The following AGT variants were observed in gnomAD, a reference collection of about 807,000 sequenced individuals.
The protein encoded by AGT is angiotensinogen, also known as alpha-1 antiproteinase, antitrypsin.
AGT carries 26 observed loss-of-function variants against 28.1 expected under a neutral mutation model. The ratio of observed to expected loss-of-function variants is 0.92; its 90% CI spans 0.68 to 1.28. The LOEUF (loss-of-function observed/expected upper bound fraction) is 1.28, where lower values mean the gene tolerates loss of function less well. Among genes scored for constraint, AGT ranks in the 50% most tolerant of loss-of-function variants. The pLI is 0.00. For synonymous variants in AGT, 259 were observed against 259.6 expected (o/e 1.00, Z 0.02); for missense variants, 596 against 592.3 (o/e 1.01, Z -0.06).
Position 230,739,970 on chromosome 1 carries a change from G to A in AGT, c.-31+5545C>T, listed in dbSNP as rs528849029. ...GACGTAAAGAAAGAATGGCCACTCC[G>A]TAGGTAGAGCAGCAGTATGGGCTGC... On this transcript the variant is annotated intron_variant, in intron 1 of 4. Transcript: ENST00000681269. Among the ~76,000 whole-genome samples the A allele has an allele frequency of 1.4e-4, 22 of 152,316 alleles. No individual in the cohort carries two copies. In the East Asian group the frequency reaches 1.7e-3, roughly 12 times the overall value.
intron 1 of AGT, among the ~76,000 whole-genome samples, chr1:230,711,862 T>C (rs1417814851): frequency 4.0e-5 from 6 of 150,724 alleles, no homozygotes; most frequent in South Asian, 4.2e-4. Context: ...GACTCTGATA[T>C]GTAAGCAGGG....
chr1:230,730,258 G>C (rs1156912482), intron 1 of AGT, among the ~76,000 whole-genome samples: 1 of 151,806 alleles, frequency 6.6e-6, no homozygotes, highest in Non-Finnish European at 1.5e-5. Flanking sequence ...ATTTTTAGTA[G>C]AGATGGGTTT....
chr1:230,723,413 AAG>A (rs1327044528), intron 1 of AGT, among the ~76,000 whole-genome samples: 1 of 152,216 alleles, frequency 6.6e-6, no homozygotes, highest in Non-Finnish European at 1.5e-5. Flanking sequence ...AACATTATTC[AAG>A]AATTCAATTC....
intron 1 of AGT, among the ~76,000 whole-genome samples, chr1:230,736,301 A>G (rs1044974198): frequency 1.3e-5 from 2 of 152,094 alleles, no homozygotes; most frequent in African/African-American, 4.8e-5. Flanking sequence ...AGGTGGGCAG[A>G]TCATGAGGTC....
chr1:230,718,246 GTTCT>G (rs1404991997), upstream of AGT, among the ~76,000 whole-genome samples: 2 of 151,978 alleles, frequency 1.3e-5, no homozygotes, highest in African/African-American at 4.8e-5. Flanking sequence ...TTCTCAGCCT[GTTCT>G]TTCTTTTTTA....
intron 1 of AGT, among the ~76,000 whole-genome samples, chr1:230,711,898 G>A (rs900557909): frequency 4.0e-5 from 6 of 151,770 alleles, no homozygotes; most frequent in South Asian, 4.2e-4. Flanking sequence ...CTAGACACGG[G>A]TCCAGCACCA....
chr1:230,730,978 C>G (rs1229312177), intron 1 of AGT, among the ~76,000 whole-genome samples: 1 of 152,184 alleles, frequency 6.6e-6, no homozygotes, highest in African/African-American at 2.4e-5. Flanking sequence ...TAATGCCTCA[C>G]TGGACACTGT....
chr1:230,736,243 G>T (rs936051852), intron 1 of AGT, among the ~76,000 whole-genome samples: 1 of 152,026 alleles, frequency 6.6e-6, no homozygotes, highest in Non-Finnish European at 1.5e-5. Context: ...AATTATTTCA[G>T]CTGGGCGCGG....
At chr1:230,732,244 T>C (rs1186838742) in intron 1 of AGT, among the ~76,000 whole-genome samples, 1 of 152,188 alleles carries the variant, frequency 6.6e-6, no homozygotes, top group Non-Finnish European at 1.5e-5. Flanking sequence ...CAAGCAATCA[T>C]TCCACCATGG....
At chr1:230,713,187 T>C (rs1663645013) in intron 1 of AGT, among the ~76,000 whole-genome samples, 1 of 151,908 alleles carries the variant, frequency 6.6e-6, no homozygotes, top group Admixed American at 6.5e-5. Context: ...CGTCTTTGTC[T>C]GTTTGCTCTG....
chr1:230,737,766 T>A (rs954015156), intron 1 of AGT, among the ~76,000 whole-genome samples: 4 of 152,184 alleles, frequency 2.6e-5, no homozygotes, highest in African/African-American at 7.2e-5. Context: ...AATTCACCTA[T>A]TTAAAGTGTA....
intron 2 of AGT, among the ~76,000 whole-genome samples, chr1:230,707,121 C>T (rs11568038): frequency 1.5e-4 from 23 of 152,250 alleles, no homozygotes; most frequent in African/African-American, 5.5e-4. Context: ...TGTTTCCCCT[C>T]CTGCTCACAG....
upstream of AGT, among the ~76,000 whole-genome samples, chr1:230,718,891 AACTTTTTTGT>A (rs1429814092): frequency 2.0e-5 from 3 of 151,850 alleles, no homozygotes; most frequent in Non-Finnish European, 4.4e-5. Flanking sequence ...ACACCTGGCC[AACTTTTTTGT>A]ACTTTTTTGT....
intron 1 of AGT, among the ~76,000 whole-genome samples, chr1:230,731,376 T>C (rs1326725320): frequency 1.3e-5 from 2 of 152,148 alleles, no homozygotes; most frequent in Non-Finnish European, 2.9e-5. Flanking sequence ...AGTTATTTCT[T>C]CAGTATAAAT....
chr1:230,703,284 G>C lies in AGT; in HGVS notation c.1288C>G (p.Pro430Ala). 1 of 1,614,186 alleles carries C rather than the reference G, an allele frequency of 6.2e-7. No homozygotes were observed. Among genetic ancestry groups the C allele is most frequent in the South Asian group, 1.1e-5 (1 of 91,076 alleles). ...FFELEADERE[P>A]TESTQQLNKP... is the part of the protein sequence containing the mutation. ...TTAAGCTGTTGGGTAGACTCTGTGG[G>C]CTCTCTCTCATCCGCTTCAAGCTCA... Residue 430 changes from proline (P) to alanine (A), a missense_variant, in exon 5 of 5, where the codon CCC becomes GCC. Pro to Ala is a conservative substitution (Grantham distance 27). Coordinates refer to ENST00000366667, the MANE Select transcript of AGT (RefSeq NM_001384479.1).
intron 3 of AGT, among the ~76,000 whole-genome samples, chr1:230,705,629 G>A (rs558728354): frequency 8.3e-4 from 127 of 152,328 alleles, no homozygotes; most frequent in Middle Eastern, 3.4e-3. Flanking sequence ...CTCAGAGGGC[G>A]GATTGCAATG....
At chr1:230,723,385 T>C (rs192950267) in intron 1 of AGT, among the ~76,000 whole-genome samples, 1 of 152,342 alleles carries the variant, frequency 6.6e-6, no homozygotes, top group African/African-American at 2.4e-5. Flanking sequence ...ACCTTTATTC[T>C]CACTTGGAGG....
chr1:230,719,560 AC>A (rs1248345895), upstream of AGT, among the ~76,000 whole-genome samples: 1 of 151,970 alleles, frequency 6.6e-6, no homozygotes. Flanking sequence ...GGTGCCCGCC[AC>A]CATGCCCAGC....
Position 230,704,241 on chromosome 1 carries a change from G to T in AGT, c.1194C>A (p.Thr398=), listed in dbSNP as rs764635248. The T allele has an allele frequency of 2.5e-6, 4 of 1,614,222 alleles. No individual in the cohort carries two copies. The highest frequency in any genetic ancestry group is 4.5e-5 in the East Asian group (2 of 44,880). Reference sequence around the variant, plus strand: ...TGCTCAATTTTTGCAGGTTCAGCTCGGTGTGCAGAATGGCGGGCAGCTCAG... The same window carrying T: ...TGCTCAATTTTTGCAGGTTCAGCTCTGTGTGCAGAATGGCGGGCAGCTCAG... ...AQAELPAILH[T]ELNLQKLSND... is the part of the protein sequence containing the mutation. The change falls in exon 4 of 5, where the codon ACC becomes ACA. Residue 398 remains threonine, a synonymous_variant. Coordinates refer to ENST00000366667, the MANE Select transcript of AGT (RefSeq NM_001384479.1).
Sources: gnomAD v4.1 joint callset for allele counts (sites outside exome capture counted in the v4.1 genomes callset) on GRCh38, gnomAD v4.1.1 for gene constraint, MANE v1.5 for transcripts, NCBI Gene and HGNC (gene_info 2026-07-23, HGNC 2026-07-21) for gene names.